TNFRSF13B: variants seen among roughly 807,000 people sequenced by gnomAD.
TNFRSF13B encodes the protein TNF receptor superfamily member 13B, also known as tumor necrosis factor receptor superfamily member 13B.
Under a neutral mutation model 24.0 loss-of-function variants are expected in TNFRSF13B, and 34 were observed. The observed-to-expected ratio is 1.41, with a 90% CI of 1.08 to 1.88. The LOEUF (loss-of-function observed/expected upper bound fraction) is 1.88. Among genes scored for constraint, TNFRSF13B ranks in the 40% most tolerant of loss-of-function variants. TNFRSF13B has a pLI of 0.00. For missense variants in TNFRSF13B, 415 were observed against 380.8 expected (o/e 1.09, Z -0.75); for synonymous variants, 173 against 150.3 (o/e 1.15, Z -1.10).
At chr17:16,969,965 G>T (rs1216213272) in intron 1 of TNFRSF13B, among the ~76,000 whole-genome samples, 2 of 152,116 alleles carry the variant, frequency 1.3e-5, no homozygotes, top group African/African-American at 4.8e-5. Context: ...TGGGCAGGAC[G>T]TTCTATGTGA....
chr17:16,966,523 T>C (rs2087700796), intron 1 of TNFRSF13B, among the ~76,000 whole-genome samples: 1 of 152,222 alleles, frequency 6.6e-6, no homozygotes, highest in South Asian at 2.1e-4. Flanking sequence ...CAAACTACAC[T>C]GATACCATAT....
chr17:16,958,803 C>T (rs1018637184), intron 1 of TNFRSF13B, among the ~76,000 whole-genome samples: 1 of 151,786 alleles, frequency 6.6e-6, no homozygotes, highest in Admixed American at 6.6e-5. Flanking sequence ...GACAGGGTTC[C>T]AAAATATATG....
intron 1 of TNFRSF13B, among the ~76,000 whole-genome samples, chr17:16,961,669 G>A (rs764679242): frequency 2.3e-4 from 35 of 152,150 alleles, no homozygotes; most frequent in African/African-American, 3.4e-4. Context: ...GTGCATGTAC[G>A]TAATGCCACT....
At chr17:16,955,650 C>G (rs1363130531) in intron 1 of TNFRSF13B, among the ~76,000 whole-genome samples, 1 of 152,188 alleles carries the variant, frequency 6.6e-6, no homozygotes, top group Non-Finnish European at 1.5e-5. Flanking sequence ...GGTACATCAT[C>G]ATATTTACGA....
chr17:16,943,809 G>A (rs1220448228), intron 3 of TNFRSF13B, among the ~76,000 whole-genome samples: 3 of 152,188 alleles, frequency 2.0e-5, no homozygotes, highest in South Asian at 2.1e-4. Context: ...GTCTTCTGCC[G>A]GACAGATGAG....
rs557394258 is a variant in TNFRSF13B at position 16,954,610 on chromosome 17, T to A, written c.62-2027A>T. On this transcript the variant is annotated intron_variant, in intron 1 of 4. Coordinates refer to ENST00000261652, the MANE Select transcript of TNFRSF13B (RefSeq NM_012452.3). The stretch of plus-strand genomic sequence containing the variant: ...CCTGACTGCCTTTGAGAATCTCTCA[T>A]CATTGATGCCTACATGGGAAGGAAG... 6.6e-5 allele frequency among the ~76,000 whole-genome samples: 10 copies of A among 152,314 alleles called. No individual in the cohort carries two copies. In the East Asian group the frequency reaches 1.9e-3, roughly 29 times the overall value.
chr17:16,948,633 C>A, intron 3 of TNFRSF13B, 105 bp downstream of exon 3: 2 of 1,538,876 alleles, frequency 1.3e-6, no homozygotes, highest in Non-Finnish European at 1.8e-6. Flanking sequence ...TGCTTGGACT[C>A]TGGGCTTCAT....
At chr17:16,967,770 A>AAAAAAAG (rs1567657178) in intron 1 of TNFRSF13B, among the ~76,000 whole-genome samples, 2 of 146,602 alleles carry the variant, frequency 1.4e-5, no homozygotes, top group African/African-American at 5.1e-5. Context: ...AAAAAAAAAA[A>AAAAAAAG]AAGAAAGAAA....
chr17:16,959,118 CAA>C (rs2087644582), intron 1 of TNFRSF13B, among the ~76,000 whole-genome samples: 1 of 151,910 alleles, frequency 6.6e-6, no homozygotes, highest in South Asian at 2.1e-4. Flanking sequence ...TAAAATTATT[CAA>C]AGTTTCTTTT....
rs775269337 is a variant in TNFRSF13B, at chr17:16,939,501, C to T, written c.*46G>A. 6.3e-6 allele frequency: 10 copies of T among 1,586,266 alleles called. No homozygotes were observed. The highest frequency in any genetic ancestry group is 1.7e-4 in the Middle Eastern group (1 of 5,998). On this transcript the variant is annotated 3_prime_UTR_variant, in exon 5 of 5. Transcript: ENST00000261652. ...CTCCCCACCTCTCTTTCTCTCTCCC[C>T]TCCTCTCCATCTCTCTCCCTCCTCC...
At chr17:16,966,645 C>A (rs1174134070) in intron 1 of TNFRSF13B, among the ~76,000 whole-genome samples, 1 of 152,002 alleles carries the variant, frequency 6.6e-6, no homozygotes, top group Non-Finnish European at 1.5e-5. Flanking sequence ...TAGAAATAAC[C>A]CCCATGGAGG....
intron 1 of TNFRSF13B, among the ~76,000 whole-genome samples, chr17:16,969,336 C>T (rs951328523): frequency 6.6e-5 from 10 of 152,206 alleles, no homozygotes; most frequent in Admixed American, 6.5e-5. Context: ...GGAAAAGCCA[C>T]ATGACATATC....
chr17:16,956,877 G>A (rs7218682), intron 1 of TNFRSF13B, among the ~76,000 whole-genome samples: 7,605 of 152,260 alleles, frequency 0.05, 485 homozygotes, highest in African/African-American at 0.15. Context: ...ATGAGTAGGT[G>A]GAGCACAGAG....
In TNFRSF13B at chr17:16,942,071, A is replaced by G. The variant is rs574495397; in HGVS notation, c.446-1560T>C. Among the ~76,000 whole-genome samples, 13 of 152,232 alleles carry G rather than the reference A, an allele frequency of 8.5e-5. No individual in the cohort carries two copies. The South Asian group carries it at 1.7e-3, about 19-fold the overall frequency. On this transcript the variant is annotated intron_variant, in intron 3 of 4. Transcript: ENST00000261652. The stretch of plus-strand genomic sequence containing the variant: ...CGTTGCTGTGAACATTCACATCCAC[A>G]TGTTTGTGTGGATGGATGTTTTCCA...
Position 16,940,453 on chromosome 17 carries a change from C to T in TNFRSF13B, c.504G>A (p.Gly168=), listed in dbSNP as rs1306419693. 6.2e-7 allele frequency: 1 copy of T among 1,613,894 alleles called. No individual in the cohort carries two copies. Among genetic ancestry groups the T allele is most frequent in the Admixed American group, 1.7e-5 (1 of 60,028 alleles). The part of the protein sequence containing the change: ...DQVALVYSTL[G]LCLCAVLCCF... ...AGCAGAGGACGGCACACAGGCAGAG[C>T]CCCAGCGTGCTGTAGACCAGGGCCA... Residue 168 remains glycine, a synonymous_variant, in exon 4 of 5, where the codon GGG becomes GGA. Coordinates refer to ENST00000261652, the MANE Select transcript of TNFRSF13B (RefSeq NM_012452.3).
intron 2 of TNFRSF13B, among the ~76,000 whole-genome samples, chr17:16,949,657 A>G (rs2143657963): frequency 6.7e-6 from 1 of 149,400 alleles, no homozygotes; most frequent in South Asian, 2.2e-4. Context: ...ACAATCAATT[A>G]TCTTATCTAA....
intron 3 of TNFRSF13B, among the ~76,000 whole-genome samples, chr17:16,947,215 C>T (rs2143653697): frequency 6.6e-6 from 1 of 152,296 alleles, no homozygotes; most frequent in Non-Finnish European, 1.5e-5. Context: ...AGATGGATTA[C>T]AGATTTAAAT....
intron 1 of TNFRSF13B, among the ~76,000 whole-genome samples, chr17:16,969,286 A>G (rs2087727064): frequency 6.6e-6 from 1 of 152,226 alleles, no homozygotes; most frequent in Admixed American, 6.5e-5. Flanking sequence ...ACAGTGACAA[A>G]AAAAGTAGAA....
At chr17:16,967,192 A>T (rs2087707710) in intron 1 of TNFRSF13B, among the ~76,000 whole-genome samples, 1 of 152,130 alleles carries the variant, frequency 6.6e-6, no homozygotes, top group South Asian at 2.1e-4. Context: ...AACATCCATC[A>T]GCAGGGAATT....
Sources: allele counts gnomAD v4.1 joint callset (sites outside exome capture counted in the v4.1 genomes callset), GRCh38; gene constraint gnomAD v4.1.1; transcripts MANE v1.5; gene names NCBI Gene and HGNC (gene_info 2026-07-23, HGNC 2026-07-21).